Variants in DLGAP3 observed in about 807,000 individuals in gnomAD.
DLGAP3 encodes DLG associated protein 3.
In DLGAP3, 17 loss-of-function variants were observed where a neutral mutation model predicts 81.2. That is an observed-to-expected ratio of 0.21 (90% CI 0.14 to 0.31). The LOEUF (loss-of-function observed/expected upper bound fraction) is 0.31. DLGAP3 is among the 10% of genes least tolerant of loss of function. The pLI is 1.00. For synonymous variants in DLGAP3, 577 were observed against 587.4 expected, an observed-to-expected ratio of 0.98 and a Z score of 0.26; for missense variants, 1,124 against 1,388.0, an observed-to-expected ratio of 0.81 and a Z score of 3.02.
chr1:34,901,679 T>C (rs1442792013), intron 3 of DLGAP3, among the ~76,000 whole-genome samples: 1 of 152,192 alleles, frequency 6.6e-6, no homozygotes, highest in African/African-American at 2.4e-5. Context: ...AAGTAGCTTT[T>C]GAAGATAGCG....
At position 34,882,070 on chromosome 1, in the gene DLGAP3, T is replaced by G. The variant is rs575770302; in HGVS notation, c.2000+2908A>C. On this transcript the variant is annotated intron_variant, in intron 8 of 11. Transcript: ENST00000373347. ...ATATCTTCATTCACAGAAAAATAAC[T>G]GACTATATAGGAAGCCCATCATGAT... 3.0e-4 allele frequency among the ~76,000 whole-genome samples: 46 copies of G among 152,228 alleles called. 1 individual carries two copies. Among genetic ancestry groups the G allele is most frequent in the Admixed American group, 3.3e-4 (5 of 15,302 alleles).
chr1:34,866,898 A>T, intron 11 of DLGAP3, 150 bp downstream of exon 11: 1 of 903,834 alleles, frequency 1.1e-6, no homozygotes, highest in Non-Finnish European at 1.8e-6. Context: ...GTCACTCTGG[A>T]AGGGGATGGT....
rs747513748 is a variant in DLGAP3, at chr1:34,867,674, C to T, written c.2486-47G>A. The T allele has an allele frequency of 1.8e-5, 26 of 1,475,820 alleles. No homozygotes were observed. In the Admixed American group the frequency reaches 3.7e-4, roughly 21 times the overall value. 91.4% of individuals were successfully genotyped at this position (1,475,820 alleles called of 1,614,324 possible). A position where few individuals can be genotyped will look rare whatever the true frequency, so the allele number is the denominator to read the frequency against. Reference sequence around the variant, plus strand: ...AGGGAGGGAAATGATGCATCTCCTTCCCCAGCCTCCACGAAGTCTGCCCTG... The same window carrying T: ...AGGGAGGGAAATGATGCATCTCCTTTCCCAGCCTCCACGAAGTCTGCCCTG... On this transcript the variant is annotated intron_variant, in intron 9 of 11. Coordinates refer to ENST00000373347, the MANE Select transcript of DLGAP3 (RefSeq NM_001080418.3). This position sits in a 1 kb window ranked among gnomAD's most constrained non-coding sequence, Gnocchi z 4.3.
rs776455153 is a variant in DLGAP3, at chr1:34,900,212, C to T, written c.1169G>A (p.Arg390His). 9.9e-6 allele frequency: 16 copies of T among 1,613,974 alleles called. No individual in the cohort carries two copies. The highest frequency in any genetic ancestry group is 3.3e-5 in the Admixed American group (2 of 60,008). ...TGGKDGEIPC[R>H]RMRSGSYIKA... ...GATGTAGCTGCCGCTCCGCATCCTGCGGCAGGGGATCTCCCCATCCTTGCC... is the reference window on the plus strand; with the variant it reads ...GATGTAGCTGCCGCTCCGCATCCTGTGGCAGGGGATCTCCCCATCCTTGCC... Residue 390 changes from arginine to histidine, a missense_variant, in exon 4 of 12, where the codon CGC becomes CAC. Physicochemically the swap from Arg to His is conservative, Grantham distance 29 (BLOSUM62 0). Coordinates refer to ENST00000373347, the MANE Select transcript of DLGAP3 (RefSeq NM_001080418.3). The surrounding 1 kb of genome is among the most constrained non-coding windows in gnomAD (Gnocchi z 5.6).
intron 2 of DLGAP3, 36 bp from the exon 3 acceptor site, chr1:34,905,470 C>A (rs2148413021): frequency 7.2e-7 from 1 of 1,385,530 alleles, no homozygotes; most frequent in South Asian, 1.4e-5. Context: ...TTGAATTGAA[C>A]AGCCCTCTTC....
Position 34,885,646 on chromosome 1 carries a change from G to A in DLGAP3, c.1746C>T (p.Ala582=), listed in dbSNP as rs1474152027. ...CCATGGCGGGGCCGTCCAGCCCGTCGGCGGAGCTGCAGCGCCGGGCGGGGC... is the reference window on the plus strand; with the variant it reads ...CCATGGCGGGGCCGTCCAGCCCGTCAGCGGAGCTGCAGCGCCGGGCGGGGC... ...AEGPARRCSS[A]DGLDGPAMGA... Residue 582 remains alanine, a synonymous_variant, in exon 7 of 12, where the codon GCC becomes GCT. Transcript: ENST00000373347. The A allele has an allele frequency of 2.0e-6, 3 of 1,476,498 alleles. No homozygotes were observed. Among genetic ancestry groups the A allele is most frequent in the Non-Finnish European group, 2.7e-6 (3 of 1,119,362 alleles). 91.5% of individuals were successfully genotyped at this position (1,476,498 alleles called of 1,614,324 possible).
intron 5 of DLGAP3, among the ~76,000 whole-genome samples, chr1:34,896,962 A>G (rs186235073): frequency 9.8e-5 from 15 of 152,318 alleles, no homozygotes; most frequent in South Asian, 2.1e-4. Flanking sequence ...TGTAATCACA[A>G]TAAATATAAA....
intron 8 of DLGAP3, among the ~76,000 whole-genome samples, chr1:34,877,424 A>G (rs1639075055): frequency 2.0e-5 from 3 of 152,212 alleles, no homozygotes; most frequent in Admixed American, 1.3e-4. Context: ...TCAAGCCTCA[A>G]AGGGAGATAT....
chr1:34,906,751 C>A (rs1454659758), intron 2 of DLGAP3, among the ~76,000 whole-genome samples: 1 of 152,160 alleles, frequency 6.6e-6, no homozygotes, highest in Admixed American at 6.5e-5. Flanking sequence ...AGAGGGAAGG[C>A]AAGGCAGGAA....
chr1:34,900,844 G>T lies in DLGAP3; in HGVS notation c.1108-571C>A. On this transcript the variant is annotated intron_variant, in intron 3 of 11. Transcript: ENST00000373347. This position sits in a 1 kb window ranked among gnomAD's most constrained non-coding sequence, Gnocchi z 5.6. ...TTAGGAGGCTGATGCTGTTATCCAG[G>T]CAAGAGATGATGAGGCCTAAATTAA... Among the ~76,000 whole-genome samples, 1 of 152,136 alleles carries T rather than the reference G, an allele frequency of 6.6e-6. No individual in the cohort carries two copies.
At position 34,867,493 on chromosome 1, in the gene DLGAP3, G is replaced by C; in HGVS notation, c.2577+43C>G. 6.5e-7 allele frequency: 1 copy of C among 1,533,216 alleles called. No individual in the cohort carries two copies. Among genetic ancestry groups the C allele is most frequent in the Non-Finnish European group, 9.0e-7 (1 of 1,106,000 alleles). 95.0% of individuals were successfully genotyped at this position (1,533,216 alleles called of 1,614,324 possible). A position where few individuals can be genotyped will look rare whatever the true frequency, so the allele number is the denominator to read the frequency against. ...CTCACCTCCAGCACACACACACTCTGGGTCACATGTATCTGGTAGGATCTA... is the reference window on the plus strand; with the variant it reads ...CTCACCTCCAGCACACACACACTCTCGGTCACATGTATCTGGTAGGATCTA... On this transcript the variant is annotated intron_variant, in intron 10 of 11. Coordinates refer to ENST00000373347, the MANE Select transcript of DLGAP3 (RefSeq NM_001080418.3). The surrounding 1 kb of genome is among the most constrained non-coding windows in gnomAD (Gnocchi z 4.3).
In DLGAP3 at chr1:34,885,742, G is replaced by A. The variant is rs1290934409; in HGVS notation, c.1650C>T (p.Ala550=). ...APPPIPPGSQ[A]PPRISITAQS... ...GGGCGGTGATGGAGATGCGGGGCGG[G>A]GCCTGGCTTCCCGGCGGGATGGGGG... Residue 550 remains alanine, a synonymous_variant, in exon 7 of 12, where the codon GCC becomes GCT. Transcript: ENST00000373347. The A allele has an allele frequency of 4.2e-6, 6 of 1,421,090 alleles. No homozygotes were observed. Among genetic ancestry groups the A allele is most frequent in the Non-Finnish European group, 5.5e-6 (6 of 1,096,250 alleles). The allele number at this position is 1,421,090 out of a possible 1,614,324, so 88.0% of individuals were successfully genotyped here.
At chr1:34,916,262 G>A (rs1437869571) in intron 1 of DLGAP3, among the ~76,000 whole-genome samples, 2 of 152,202 alleles carry the variant, frequency 1.3e-5, no homozygotes, top group Non-Finnish European at 2.9e-5. Flanking sequence ...AGGTGGGAGT[G>A]TCCCGTCCAG....
At chr1:34,889,323 C>A (rs1639279994) in intron 5 of DLGAP3, among the ~76,000 whole-genome samples, 1 of 152,180 alleles carries the variant, frequency 6.6e-6, no homozygotes, top group Admixed American at 6.5e-5. Flanking sequence ...CAACAGGAGA[C>A]CAGGACACAA....
At chr1:34,881,561 C>T (rs982281282) in intron 8 of DLGAP3, among the ~76,000 whole-genome samples, 3 of 151,910 alleles carry the variant, frequency 2.0e-5, no homozygotes, top group African/African-American at 7.3e-5. Context: ...ATAGAAGGAG[C>T]CTGGAGTTCT....
intron 1 of DLGAP3, among the ~76,000 whole-genome samples, chr1:34,919,968 C>G (rs1639773035): frequency 6.6e-6 from 1 of 152,120 alleles, no homozygotes; most frequent in East Asian, 1.9e-4. Flanking sequence ...ATCCACACCA[C>G]CAGGGTAGAG....
intron 1 of DLGAP3, among the ~76,000 whole-genome samples, chr1:34,909,995 G>A (rs1639615584): frequency 6.6e-6 from 1 of 152,158 alleles, no homozygotes; most frequent in African/African-American, 2.4e-5. Context: ...GCATGATGAG[G>A]GTTTCTGGGA....
At chr1:34,922,930 A>C (rs1569671028) in intron 1 of DLGAP3, among the ~76,000 whole-genome samples, 1 of 150,634 alleles carries the variant, frequency 6.6e-6, no homozygotes, top group Non-Finnish European at 1.5e-5. Flanking sequence ...TCCCATTCCC[A>C]CCCACTCTCA....
intron 8 of DLGAP3, among the ~76,000 whole-genome samples, chr1:34,882,706 T>C (rs768167769): frequency 2.0e-5 from 3 of 150,660 alleles, no homozygotes; most frequent in Admixed American, 6.7e-5. Context: ...GCTTGTGATC[T>C]TTCATGAACA....
Sources: allele counts gnomAD v4.1 joint callset (sites outside exome capture counted in the v4.1 genomes callset), GRCh38; gene constraint gnomAD v4.1.1; non-coding constraint Gnocchi (gnomAD v3.1); transcripts MANE v1.5; gene names NCBI Gene and HGNC (gene_info 2026-07-23, HGNC 2026-07-21).